The following CRK variants were observed in gnomAD, a reference collection of about 807,000 sequenced individuals.
CRK encodes CRK proto-oncogene, adaptor protein.
A neutral mutation model predicts 29.8 loss-of-function variants in CRK; 4 were observed. The observed-to-expected ratio is 0.13, with a 90% CI of 0.07 to 0.31. The LOEUF (loss-of-function observed/expected upper bound fraction) is 0.31, where lower values mean the gene tolerates loss of function less well. Among genes scored for constraint, CRK ranks in the 10% least tolerant of loss-of-function variants. CRK has a pLI of 1.00. For synonymous variants in CRK, 153 were observed against 164.9 expected (o/e 0.93, Z 0.55); for missense variants, 274 against 396.5 (o/e 0.69, Z 2.62).
rs1217894999 is a variant in CRK, at chr17:1,422,767, C to A, written c.*746G>T. ...GGAAGGCAGAGAGCTGGGAGACTGG[C>A]TGTCCACTTAGTGAATCCAACACTG... On this transcript the variant is annotated 3_prime_UTR_variant, in exon 3 of 3. Transcript: ENST00000300574. 5.1e-6 allele frequency: 2 copies of A among 395,702 alleles called. No homozygotes were observed. 24.5% of individuals were successfully genotyped at this position (395,702 alleles called of 1,614,324 possible).
chr17:1,431,148 A>G (rs767749467), intron 2 of CRK, among the ~76,000 whole-genome samples: 6 of 152,202 alleles, frequency 3.9e-5, no homozygotes, highest in Admixed American at 2.6e-4. Context: ...GAGCACATGA[A>G]AATGCTCCTG....
Position 1,440,488 on chromosome 17 carries a change from G to GA in CRK, c.242-3334dup, listed in dbSNP as rs998034864. Reference sequence around the variant, plus strand: ...TTAAAAAAAGAAAAAATAAATGTTTGAAAAAAAATGACTGGGCACAGTGGT... The same window carrying GA: ...TTAAAAAAAGAAAAAATAAATGTTTGAAAAAAAAATGACTGGGCACAGTGGT... On this transcript the variant is annotated intron_variant, in intron 1 of 2. Coordinates refer to ENST00000300574, the MANE Select transcript of CRK (RefSeq NM_016823.4). Among the ~76,000 whole-genome samples the GA allele has an allele frequency of 2.1e-3, 324 of 151,028 alleles. 3 individuals carry two copies. Among genetic ancestry groups the GA allele is most frequent in the African/African-American group, 7.3e-3 (300 of 41,160 alleles).
intron 1 of CRK, among the ~76,000 whole-genome samples, chr17:1,451,586 G>C (rs569113549): frequency 3.9e-5 from 6 of 152,114 alleles, no homozygotes; most frequent in African/African-American, 7.2e-5. Context: ...GGATGCGGCT[G>C]TATGTGCCTG....
chr17:1,429,940 A>G (rs2073821947), intron 2 of CRK, among the ~76,000 whole-genome samples: 1 of 151,780 alleles, frequency 6.6e-6, no homozygotes, highest in African/African-American at 2.4e-5. Flanking sequence ...AAAAAAAGAG[A>G]AAAACAACCA....
At chr17:1,443,689 G>A (rs1405190681) in intron 1 of CRK, among the ~76,000 whole-genome samples, 2 of 128,022 alleles carry the variant, frequency 1.6e-5, no homozygotes, top group African/African-American at 3.0e-5. Flanking sequence ...GTGAGCCACC[G>A]CGCCCAGCCC....
intron 1 of CRK, among the ~76,000 whole-genome samples, chr17:1,452,422 A>C (rs1337170247): frequency 2.0e-5 from 3 of 152,166 alleles, no homozygotes; most frequent in Non-Finnish European, 2.9e-5. Flanking sequence ...CTTCAAAAGG[A>C]CTTGGTGAGG....
chr17:1,430,873 C>G (rs1243700003), intron 2 of CRK, among the ~76,000 whole-genome samples: 2 of 151,236 alleles, frequency 1.3e-5, no homozygotes, highest in Non-Finnish European at 2.9e-5. Flanking sequence ...CGAGACCATC[C>G]TGGCTAACAC....
chr17:1,425,724 C>T (rs193298850), intron 2 of CRK, among the ~76,000 whole-genome samples: 12 of 152,380 alleles, frequency 7.9e-5, no homozygotes, highest in African/African-American at 2.9e-4. Context: ...CAGGCCCAGC[C>T]TGACCTCACT....
chr17:1,446,015 G>A (rs1400516944), intron 1 of CRK, among the ~76,000 whole-genome samples: 4 of 152,094 alleles, frequency 2.6e-5, no homozygotes, highest in Admixed American at 6.6e-5. Flanking sequence ...TGCCTGCCTC[G>A]GCCTCCCAAA....
rs1598296249 is a variant in CRK at position 1,432,294 on chromosome 17, G to C, written c.777+4326C>G. On this transcript the variant is annotated intron_variant, in intron 2 of 2. Coordinates refer to ENST00000300574, the MANE Select transcript of CRK (RefSeq NM_016823.4). ...GCTTGAGGCCAGGAGTTTGAGACTA[G>C]CCTGGCCAATGTGGCGAAATCCCAT... 2.0e-5 allele frequency among the ~76,000 whole-genome samples: 3 copies of C among 150,586 alleles called. No individual in the cohort carries two copies. The Admixed American group carries it at 2.0e-4, about 10-fold the overall frequency.
Position 1,430,566 on chromosome 17 carries a change from A to C in CRK, c.777+6054T>G, listed in dbSNP as rs377727064. Among the ~76,000 whole-genome samples the C allele has an allele frequency of 1.9e-3, 279 of 146,630 alleles. 1 individual carries two copies. The highest frequency in any genetic ancestry group is 0.014 in the East Asian group (69 of 4,838). On this transcript the variant is annotated intron_variant, in intron 2 of 2. Coordinates refer to ENST00000300574, the MANE Select transcript of CRK (RefSeq NM_016823.4). ...TTTTTTAGTAGAGATGGGATTTCACAGTATTAGCCAGGATGGTCTCCATTT... is the reference window on the plus strand; with the variant it reads ...TTTTTTAGTAGAGATGGGATTTCACCGTATTAGCCAGGATGGTCTCCATTT...
chr17:1,429,208 T>C (rs950775171), intron 2 of CRK, among the ~76,000 whole-genome samples: 3 of 152,048 alleles, frequency 2.0e-5, no homozygotes, highest in Non-Finnish European at 4.4e-5. Context: ...CTTTTTTTTT[T>C]ACACCGGGTA....
intron 1 of CRK, among the ~76,000 whole-genome samples, chr17:1,439,288 G>A (rs2073916232): frequency 6.6e-6 from 1 of 151,986 alleles, no homozygotes; most frequent in African/African-American, 2.4e-5. Context: ...TAATAGAGAC[G>A]GGGTTTTACC....
At chr17:1,439,838 G>C (rs2073920121) in intron 1 of CRK, among the ~76,000 whole-genome samples, 1 of 151,960 alleles carries the variant, frequency 6.6e-6, no homozygotes, top group Admixed American at 6.6e-5. Context: ...GCAAGACTCT[G>C]TGTCAAACAA....
intron 1 of CRK, among the ~76,000 whole-genome samples, chr17:1,452,190 T>C (rs79151873): frequency 0.07 from 10,650 of 152,162 alleles, 449 homozygotes; most frequent in East Asian, 0.1. Context: ...TGTGTGACCT[T>C]AAGCAAGTTA....
Position 1,437,024 on chromosome 17 carries a change from T to C in CRK, c.373A>G (p.Ser125Gly). The change falls in exon 2 of 3, where the codon AGT becomes GGT. Residue 125 changes from serine to glycine, a missense_variant. Ser to Gly is a moderately conservative substitution (Grantham distance 56). Around this residue, in one of 3 missense-constraint regions of CRK, gnomAD observed 135 missense variants for 180.9 expected, o/e 0.75. Coordinates refer to ENST00000300574, the MANE Select transcript of CRK (RefSeq NM_016823.4). Reference sequence around the variant, plus strand: ...TCCTCCTGCCTGAGAATCACTCCACTACCCTGCCTGGATCTGGAAACTGGT... The same window carrying C: ...TCCTCCTGCCTGAGAATCACTCCACCACCCTGCCTGGATCTGGAAACTGGT... Reference protein sequence around the residue: ...IEPVSRSRQGSGVILRQEEAE... With the variant: ...IEPVSRSRQGGGVILRQEEAE... 1 of 1,614,118 alleles carries C rather than the reference T, an allele frequency of 6.2e-7. No individual in the cohort carries two copies. The highest frequency in any genetic ancestry group is 8.5e-7 in the Non-Finnish European group (1 of 1,180,024).
chr17:1,423,743 G>A (rs960164086), intron 2 of CRK, 93 bp from the exon 3 acceptor site: 3 of 1,508,528 alleles, frequency 2.0e-6, no homozygotes, highest in Non-Finnish European at 2.7e-6. Context: ...CTGCCCATGT[G>A]ACTGCTCTAG....
chr17:1,440,930 T>C lies in CRK; in HGVS notation c.242-3775A>G, dbSNP rs1328126652. ...AAAAACCTAAAATCCAAATGAGTTT[T>C]GTGAGTTTTTGGCTTTGTTGTTGTC... is the stretch of plus-strand genomic sequence containing the variant. On this transcript the variant is annotated intron_variant, in intron 1 of 2. Transcript: ENST00000300574. Among the ~76,000 whole-genome samples the C allele has an allele frequency of 4.6e-5, 7 of 152,154 alleles. No homozygotes were observed. The East Asian group carries it at 1.3e-3, about 29-fold the overall frequency.
intron 1 of CRK, among the ~76,000 whole-genome samples, chr17:1,448,478 C>T (rs1010965052): frequency 7.9e-5 from 12 of 151,692 alleles, no homozygotes; most frequent in African/African-American, 2.7e-4. Flanking sequence ...CAAAAATTAG[C>T]TGGGCATGGT....
Sources: allele counts gnomAD v4.1 joint callset (sites outside exome capture counted in the v4.1 genomes callset), GRCh38; gene constraint gnomAD v4.1.1; regional missense constraint gnomAD v4.1.1; transcripts MANE v1.5; gene names NCBI Gene and HGNC (gene_info 2026-07-23, HGNC 2026-07-21).